The following TNS3 variants were observed in gnomAD, a reference collection of about 807,000 sequenced individuals.
TNS3 encodes tensin-3.
TNS3 carries 45 observed loss-of-function variants against 140.9 expected under a neutral mutation model. The observed-to-expected ratio is 0.32, with a 90% CI of 0.25 to 0.41. TNS3 has a LOEUF of 0.41. Among genes scored for constraint, TNS3 ranks in the 10% least tolerant of loss-of-function variants. The probability of loss-of-function intolerance (pLI) is 1.00; values close to 1 mark genes in which losing one functional copy is unlikely to be tolerated. For missense variants in TNS3, 1,716 were observed against 1,906.7 expected, an observed-to-expected ratio of 0.90 and a Z score of 1.86; for synonymous variants, 815 against 788.4, an observed-to-expected ratio of 1.03 and a Z score of -0.56.
At chr7:47,535,487 G>T (rs1005651899) in intron 1 of TNS3, among the ~76,000 whole-genome samples, 1 of 152,220 alleles carries the variant, frequency 6.6e-6, no homozygotes, top group African/African-American at 2.4e-5. Context: ...GAGACCAGAC[G>T]GGATTAGACT....
chr7:47,468,279 A>G (rs1246064945), intron 4 of TNS3, among the ~76,000 whole-genome samples: 1 of 152,154 alleles, frequency 6.6e-6, no homozygotes, highest in Non-Finnish European at 1.5e-5. Flanking sequence ...CGTCTCTAGT[A>G]AAAATACAAA....
At chr7:47,558,200 A>G (rs1368354727) in intron 1 of TNS3, among the ~76,000 whole-genome samples, 1 of 152,172 alleles carries the variant, frequency 6.6e-6, no homozygotes, top group Non-Finnish European at 1.5e-5. Flanking sequence ...TTCCCAACAT[A>G]AAAGGAAACA....
chr7:47,531,144 A>C (rs2151944188), intron 1 of TNS3, among the ~76,000 whole-genome samples: 1 of 152,128 alleles, frequency 6.6e-6, no homozygotes, highest in East Asian at 1.9e-4. Context: ...TTGAAAAACT[A>C]CCTATCGAGT....
intron 3 of TNS3, among the ~76,000 whole-genome samples, chr7:47,482,048 G>A (rs1245199958): frequency 6.6e-6 from 1 of 152,176 alleles, no homozygotes; most frequent in African/African-American, 2.4e-5. Flanking sequence ...TGCTCTGGGG[G>A]GCCGCTCAGG....
chr7:47,411,229 G>A lies in TNS3; in HGVS notation c.723+498C>T, dbSNP rs113551860. Among the ~76,000 whole-genome samples the A allele has an allele frequency of 1.3e-3, 196 of 152,282 alleles. 1 individual carries two copies. The highest frequency in any genetic ancestry group is 3.9e-3 in the African/African-American group (163 of 41,564). On this transcript the variant is annotated intron_variant, in intron 13 of 30. Coordinates refer to ENST00000311160, the MANE Select transcript of TNS3 (RefSeq NM_022748.12). Reference sequence around the variant, plus strand: ...AGAATCAAGAATGAAGATTTGTTCCGTCCCTTTAATTAAAATAGTTTTATT... The same window carrying A: ...AGAATCAAGAATGAAGATTTGTTCCATCCCTTTAATTAAAATAGTTTTATT...
intron 4 of TNS3, among the ~76,000 whole-genome samples, chr7:47,450,235 AC>A (rs1436812463): frequency 6.6e-6 from 1 of 152,232 alleles, no homozygotes; most frequent in East Asian, 1.9e-4. Context: ...AAATAAATGT[AC>A]CCATTGACTT....
At chr7:47,450,469 A>G (rs1795965495) in intron 4 of TNS3, among the ~76,000 whole-genome samples, 2 of 152,252 alleles carry the variant, frequency 1.3e-5, no homozygotes, top group Non-Finnish European at 1.5e-5. Flanking sequence ...TGACCTCAGT[A>G]CCCTGTGCCT....
chr7:47,537,506 G>A (rs567501382), intron 1 of TNS3, among the ~76,000 whole-genome samples: 36 of 152,194 alleles, frequency 2.4e-4, no homozygotes, highest in African/African-American at 8.7e-4. Flanking sequence ...TTCCAGGCGG[G>A]GGGAGCAGGA....
chr7:47,498,650 G>A (rs926367848), intron 3 of TNS3, among the ~76,000 whole-genome samples: 1 of 152,174 alleles, frequency 6.6e-6, no homozygotes, highest in African/African-American at 2.4e-5. Flanking sequence ...TTTTGGGGCA[G>A]GGCTAGGACT....
At chr7:47,446,794 A>C (rs1022333647) in intron 4 of TNS3, among the ~76,000 whole-genome samples, 5 of 146,664 alleles carry the variant, frequency 3.4e-5, no homozygotes, top group African/African-American at 1.3e-4. Context: ...TCGGGCTCAG[A>C]TCATCCTCCC....
intron 6 of TNS3, 72 bp downstream of exon 6, chr7:47,439,415 G>T (rs982952818): frequency 3.1e-5 from 48 of 1,525,766 alleles, no homozygotes; most frequent in Non-Finnish European, 3.7e-5. Context: ...CCAGTGTTCT[G>T]TGAGTGCCCA....
intron 5 of TNS3, among the ~76,000 whole-genome samples, chr7:47,441,419 C>G (rs976457185): frequency 6.6e-6 from 1 of 152,088 alleles, no homozygotes; most frequent in African/African-American, 2.4e-5. Context: ...CTTGTGGTCT[C>G]CCCACCTCAG....
intron 16 of TNS3, among the ~76,000 whole-genome samples, chr7:47,374,235 T>C (rs1011655102): frequency 1.3e-5 from 2 of 152,188 alleles, no homozygotes; most frequent in Non-Finnish European, 2.9e-5. Flanking sequence ...CTGGCCACAG[T>C]GTGCTTGGAA....
Position 47,389,077 on chromosome 7 carries a change from A to AGTG in TNS3, c.1024+7722_1024+7723insCAC, listed in dbSNP as rs1562675209. Among the ~76,000 whole-genome samples the AGTG allele has an allele frequency of 4.1e-4, 25 of 61,256 alleles. 5 individuals are homozygous for AGTG. Among genetic ancestry groups the AGTG allele is most frequent in the African/African-American group, 1.5e-3 (19 of 12,400 alleles). 40.2% of individuals were successfully genotyped at this position (61,256 alleles called of 152,430 possible). A position where few individuals can be genotyped will look rare whatever the true frequency, so the allele number is the denominator to read the frequency against. Reference sequence around the variant, plus strand: ...AAGAAGAAGAAGAAGAAGAAGAAGAAGAAGAAGAGGAAGAGGAAGAGGAAG... The same window carrying AGTG: ...AAGAAGAAGAAGAAGAAGAAGAAGAAGTGGAAGAAGAGGAAGAGGAAGAGGAAG... On this transcript the variant is annotated intron_variant, in intron 16 of 30. Coordinates refer to ENST00000311160, the MANE Select transcript of TNS3 (RefSeq NM_022748.12).
chr7:47,291,508 A>ATT (rs5883996), intron 27 of TNS3, among the ~76,000 whole-genome samples: 3 of 151,786 alleles, frequency 2.0e-5, no homozygotes, highest in Admixed American at 1.3e-4. Context: ...TCTATGAATA[A>ATT]TTTTTTTAAG....
At chr7:47,516,814 G>C (rs1173635072) in intron 2 of TNS3, among the ~76,000 whole-genome samples, 1 of 152,188 alleles carries the variant, frequency 6.6e-6, no homozygotes, top group Non-Finnish European at 1.5e-5. Flanking sequence ...TATAATCCCA[G>C]CACTTTGGGA....
chr7:47,432,645 GT>G (rs1252702232), intron 8 of TNS3, among the ~76,000 whole-genome samples: 1 of 152,190 alleles, frequency 6.6e-6, no homozygotes, highest in African/African-American at 2.4e-5. Context: ...AGTATTTAAG[GT>G]TTTGCAGGCT....
In TNS3 at chr7:47,560,526, G is replaced by A. The variant is rs566409967; in HGVS notation, c.-265+21525C>T. On this transcript the variant is annotated intron_variant, in intron 1 of 30. Transcript: ENST00000311160. ...AAGCCCTAAACCTAACTTCTCACCC[G>A]GTGGCATTCTCCCCAGACTCCCTTG... is the stretch of plus-strand genomic sequence containing the variant. 5.3e-5 allele frequency among the ~76,000 whole-genome samples: 8 copies of A among 152,164 alleles called. No individual in the cohort carries two copies. The South Asian group carries it at 8.3e-4, about 16-fold the overall frequency.
chr7:47,296,947 C>A lies in TNS3; in HGVS notation c.3676+135G>T, dbSNP rs888413045. The A allele has an allele frequency of 3.5e-6, 4 of 1,143,596 alleles. No individual in the cohort carries two copies. The African/African-American group carries it at 4.8e-5, about 14-fold the overall frequency. The allele number at this position is 1,143,596 out of a possible 1,614,324, so 70.8% of individuals were successfully genotyped here. A position where few individuals can be genotyped will look rare whatever the true frequency, so the allele number is the denominator to read the frequency against. On this transcript the variant is annotated intron_variant, in intron 24 of 30. Transcript: ENST00000311160. ...TAAGGTGAAAACTTTGTAAAATATA[C>A]CTGAAAAAATAAATACTAAGAATAA...
Sources: gnomAD v4.1 joint callset for allele counts (sites outside exome capture counted in the v4.1 genomes callset) on GRCh38, gnomAD v4.1.1 for gene constraint, MANE v1.5 for transcripts, NCBI Gene and HGNC (gene_info 2026-07-23, HGNC 2026-07-21) for gene names.